Variants in GMDS observed in about 807,000 individuals in gnomAD.
GMDS encodes the protein GDP-mannose 4,6-dehydratase.
Under a neutral mutation model 49.9 loss-of-function variants are expected in GMDS, and 20 were observed. That is an observed-to-expected ratio of 0.40 (90% CI 0.28 to 0.58). The LOEUF is 0.58. Ranked by LOEUF, GMDS falls within the 20% of genes least tolerant of loss-of-function variation. GMDS has a pLI of 0.42. For synonymous variants in GMDS, 177 were observed against 178.6 expected (o/e 0.99, Z 0.07); for missense variants, 362 against 481.4 (o/e 0.75, Z 2.32).
chr6:2,003,524 G>C (rs1766963977), intron 4 of GMDS, among the ~76,000 whole-genome samples: 1 of 152,072 alleles, frequency 6.6e-6, no homozygotes, highest in Non-Finnish European at 1.5e-5. Flanking sequence ...AATTAAAGCA[G>C]AAATGTCCAA....
chr6:1,725,073 C>A (rs1266840391), intron 9 of GMDS, among the ~76,000 whole-genome samples: 2 of 152,212 alleles, frequency 1.3e-5, no homozygotes, highest in Non-Finnish European at 2.9e-5. Context: ...GTTTTCCTAA[C>A]CTCTCCAAGG....
intron 7 of GMDS, among the ~76,000 whole-genome samples, chr6:1,920,633 T>G (rs535551134): frequency 1.3e-5 from 2 of 152,342 alleles, no homozygotes; most frequent in East Asian, 3.9e-4. Flanking sequence ...GTGAGAGATA[T>G]TTACATCTAT....
At chr6:2,181,051 G>C (rs998815865) in intron 1 of GMDS, among the ~76,000 whole-genome samples, 26 of 151,678 alleles carry the variant, frequency 1.7e-4, no homozygotes, top group Admixed American at 1.2e-3. Context: ...CTGGGTGCCT[G>C]TAGTCCCAGC....
At chr6:2,142,005 C>T (rs1254806538) in intron 1 of GMDS, among the ~76,000 whole-genome samples, 2 of 152,054 alleles carry the variant, frequency 1.3e-5, no homozygotes, top group Non-Finnish European at 2.9e-5. Context: ...ATCCATTTGG[C>T]GGTAACTGTC....
chr6:2,235,616 A>G (rs1458706741), intron 1 of GMDS, among the ~76,000 whole-genome samples: 1 of 151,324 alleles, frequency 6.6e-6, no homozygotes, highest in Admixed American at 6.6e-5. Flanking sequence ...AACCAGCCTG[A>G]GCAGCACGGC....
chr6:2,005,826 T>C lies in GMDS; in HGVS notation c.346-44860A>G, dbSNP rs534844259. Among the ~76,000 whole-genome samples, 3 of 152,296 alleles carry C rather than the reference T, an allele frequency of 2.0e-5. No homozygotes were observed. In the East Asian group the frequency reaches 5.8e-4, roughly 29 times the overall value. ...AGGCTGTGCCATGCTTCTTGAAATA[T>C]GTTCCCTTCCCTTGGTCTTTATATA... On this transcript the variant is annotated intron_variant, in intron 4 of 10. Transcript: ENST00000380815.
At position 2,201,249 on chromosome 6, in the gene GMDS, G is replaced by A. The variant is rs1477720548; in HGVS notation, c.102+44072C>T. On this transcript the variant is annotated intron_variant, in intron 1 of 10. Transcript: ENST00000380815. ...ATGTAACAACCATCTAGGCAGTGAG[G>A]GCAGCATGTTAGCAGAGAGGTGAAG... 2.9e-4 allele frequency among the ~76,000 whole-genome samples: 39 copies of A among 135,252 alleles called. 2 individuals carry two copies. Among genetic ancestry groups the A allele is most frequent in the African/African-American group, 1.1e-3 (39 of 35,390 alleles). The allele number at this position is 135,252 out of a possible 152,430, so 88.7% of individuals were successfully genotyped here.
intron 9 of GMDS, among the ~76,000 whole-genome samples, chr6:1,660,576 C>T (rs1764034247): frequency 6.6e-6 from 1 of 151,336 alleles, no homozygotes; most frequent in South Asian, 2.1e-4. Flanking sequence ...AAACATGTGT[C>T]AATGAGGAAA....
At chr6:2,197,389 G>A (rs180793556) in intron 1 of GMDS, among the ~76,000 whole-genome samples, 1 of 152,280 alleles carries the variant, frequency 6.6e-6, no homozygotes, top group Admixed American at 6.5e-5. Flanking sequence ...TCCTGAGGAA[G>A]GTAGATAGTT....
intron 9 of GMDS, among the ~76,000 whole-genome samples, chr6:1,676,663 C>CA (rs1239313417): frequency 1.3e-5 from 2 of 152,052 alleles, no homozygotes; most frequent in Non-Finnish European, 2.9e-5. Flanking sequence ...ACAAACCTGA[C>CA]AAAAACAAGA....
At chr6:1,643,134 T>G (rs917208981) in intron 9 of GMDS, among the ~76,000 whole-genome samples, 3 of 152,130 alleles carry the variant, frequency 2.0e-5, no homozygotes, top group African/African-American at 7.2e-5. Context: ...CCTGTGGAGT[T>G]TGTGAAAAGT....
In GMDS at chr6:1,652,370, TAA is replaced by T. The variant is rs200271939; in HGVS notation, c.988-27832_988-27831del. ...CTGGGTGACAAGAGTGAAACTCCGCTAAAAAAAAAAATATATATATATTATAT... is the reference window on the plus strand; with the variant it reads ...CTGGGTGACAAGAGTGAAACTCCGCTAAAAAAAAATATATATATATTATAT... On this transcript the variant is annotated intron_variant, in intron 9 of 10. Coordinates refer to ENST00000380815, the MANE Select transcript of GMDS (RefSeq NM_001500.4). Among the ~76,000 whole-genome samples, 40 of 11,980 alleles carry T rather than the reference TAA, an allele frequency of 3.3e-3. 2 individuals carry two copies. The highest frequency in any genetic ancestry group is 0.05 in the Middle Eastern group (1 of 20). 7.9% of individuals were successfully genotyped at this position (11,980 alleles called of 152,430 possible).
chr6:1,736,207 A>G (rs1766997465), intron 8 of GMDS, among the ~76,000 whole-genome samples: 1 of 152,226 alleles, frequency 6.6e-6, no homozygotes, highest in Non-Finnish European at 1.5e-5. Context: ...TGCTCCAACA[A>G]AGGCACTACA....
At chr6:2,084,929 C>G (rs922319291) in intron 4 of GMDS, among the ~76,000 whole-genome samples, 1 of 152,202 alleles carries the variant, frequency 6.6e-6, no homozygotes, top group African/African-American at 2.4e-5. Flanking sequence ...AGTGAAAGAA[C>G]CAGTCTTGCA....
chr6:1,978,606 C>T (rs1267444024), intron 4 of GMDS, among the ~76,000 whole-genome samples: 1 of 152,182 alleles, frequency 6.6e-6, no homozygotes, highest in Non-Finnish European at 1.5e-5. Flanking sequence ...CTAAAGAGCT[C>T]TAATTTCACC....
chr6:2,116,739 G>A (rs1774872734), intron 3 of GMDS, among the ~76,000 whole-genome samples: 1 of 152,170 alleles, frequency 6.6e-6, no homozygotes, highest in Non-Finnish European at 1.5e-5. Context: ...CTTGCTGGCT[G>A]GAAAAACTGG....
chr6:1,750,095 G>C (rs956002398), intron 7 of GMDS, among the ~76,000 whole-genome samples: 1 of 152,066 alleles, frequency 6.6e-6, no homozygotes, highest in African/African-American at 2.4e-5. Context: ...CCTCCCAAAG[G>C]GCTGGGACTA....
At position 2,221,404 on chromosome 6, in the gene GMDS, G is replaced by A. The variant is rs189737594; in HGVS notation, c.102+23917C>T. ...AAAATGTTCTTTTTTTTTTTGAGAC[G>A]GAGTCTTGCTCTGTCACCCAGGCTA... On this transcript the variant is annotated intron_variant, in intron 1 of 10. Transcript: ENST00000380815. 6.1e-3 allele frequency among the ~76,000 whole-genome samples: 912 copies of A among 150,234 alleles called. 4 individuals are homozygous for A. The highest frequency in any genetic ancestry group is 0.017 in the Middle Eastern group (5 of 294).
intron 9 of GMDS, among the ~76,000 whole-genome samples, chr6:1,708,218 G>A (rs1188051684): frequency 1.3e-5 from 2 of 152,334 alleles, no homozygotes; most frequent in Non-Finnish European, 1.5e-5. Flanking sequence ...GAAACAAAAT[G>A]CGGCATCTGG....
Sources: allele counts gnomAD v4.1 joint callset (sites outside exome capture counted in the v4.1 genomes callset), GRCh38; gene constraint gnomAD v4.1.1; transcripts MANE v1.5; gene names NCBI Gene and HGNC (gene_info 2026-07-23, HGNC 2026-07-21).